DUS2: variants seen among roughly 807,000 people sequenced by gnomAD.
The protein encoded by DUS2 is dihydrouridine synthase 2.
DUS2 carries 52 observed loss-of-function variants against 71.3 expected under a neutral mutation model. The ratio of observed to expected loss-of-function variants is 0.73; its 90% CI spans 0.58 to 0.92. The LOEUF (loss-of-function observed/expected upper bound fraction) is 0.92. DUS2 is among the 40% of genes least tolerant of loss of function. DUS2 has a pLI of 0.00. For synonymous variants in DUS2, 204 were observed against 227.8 expected (o/e 0.90, Z 0.94); for missense variants, 558 against 622.6 (o/e 0.90, Z 1.10).
chr16:68,031,586 C>T (rs1488904145), intron 2 of DUS2, among the ~76,000 whole-genome samples: 2 of 151,946 alleles, frequency 1.3e-5, no homozygotes, highest in Non-Finnish European at 2.9e-5. Context: ...GATTATAATC[C>T]TTTTCTCTCA....
chr16:68,037,981 C>A, intron 2 of DUS2, 25 bp from the exon 3 acceptor site: 1 of 1,598,314 alleles, frequency 6.3e-7, no homozygotes, highest in Non-Finnish European at 8.5e-7. Flanking sequence ...GAATTTCTGA[C>A]TCTTGTTTCC....
In DUS2 at chr16:68,070,130, C is replaced by T; in HGVS notation, c.555-4C>T. ...GCCCTCAGCCCCATCTTTCTATCTC[C>T]AAGGAAGCGGGAGGAGCGACCTCAG... On this transcript the variant is annotated splice_region_variant and splice_polypyrimidine_tract_variant and intron_variant, in intron 10 of 16. Coordinates refer to ENST00000565263, the MANE Select transcript of DUS2 (RefSeq NM_017803.5). The T allele has an allele frequency of 1.9e-6, 3 of 1,614,040 alleles. No homozygotes were observed.
intron 3 of DUS2, among the ~76,000 whole-genome samples, chr16:68,038,876 C>G (rs545577241): frequency 6.6e-6 from 1 of 151,428 alleles, no homozygotes; most frequent in South Asian, 2.1e-4. Flanking sequence ...TAGTGAGACT[C>G]TATCTCTTTT....
At chr16:68,038,573 T>C (rs929600005) in intron 3 of DUS2, among the ~76,000 whole-genome samples, 4 of 148,190 alleles carry the variant, frequency 2.7e-5, no homozygotes, top group African/African-American at 1.0e-4. Flanking sequence ...CTACTAAAAA[T>C]AGAAAAATTA....
intron 2 of DUS2, among the ~76,000 whole-genome samples, chr16:68,029,965 T>C (rs1156831456): frequency 2.0e-5 from 3 of 150,646 alleles, no homozygotes; most frequent in African/African-American, 7.3e-5. Context: ...GGGCTGGTCT[T>C]GAACTCCTGG....
chr16:68,056,954 T>C (rs1325599126), intron 7 of DUS2, among the ~76,000 whole-genome samples: 3 of 142,226 alleles, frequency 2.1e-5, no homozygotes, highest in Non-Finnish European at 4.5e-5. Flanking sequence ...ATATGTAATC[T>C]ATAATTATAT....
intron 1 of DUS2, among the ~76,000 whole-genome samples, chr16:68,024,338 A>G (rs961282738): frequency 6.6e-6 from 1 of 152,036 alleles, no homozygotes; most frequent in Admixed American, 6.6e-5. Flanking sequence ...GCCTCAAGCG[A>G]TCTTCCCACC....
chr16:68,029,206 A>T (rs1197042316), intron 2 of DUS2, among the ~76,000 whole-genome samples: 1 of 144,528 alleles, frequency 6.9e-6, no homozygotes, highest in African/African-American at 2.5e-5. Context: ...TCCCATCTCT[A>T]AAAAAAAAAA....
chr16:68,049,464 A>G, intron 3 of DUS2, 41 bp from the exon 4 acceptor site: 2 of 1,607,544 alleles, frequency 1.2e-6, no homozygotes, highest in Non-Finnish European at 1.7e-6. Context: ...CCCAGAGCCT[A>G]CATGTTCAGG....
Position 68,037,791 on chromosome 16 carries a change from T to C in DUS2, c.-18-215T>C, listed in dbSNP as rs1360556679. On this transcript the variant is annotated intron_variant, in intron 2 of 16. Transcript: ENST00000565263. Reference sequence around the variant, plus strand: ...GGCAGACGCCCATAATCCCAGTTACTTGGGTTGCAGTGAGCCCTGCACTAC... The same window carrying C: ...GGCAGACGCCCATAATCCCAGTTACCTGGGTTGCAGTGAGCCCTGCACTAC... The C allele has an allele frequency of 5.9e-5, 19 of 320,244 alleles. No individual in the cohort carries two copies. The Admixed American group carries it at 8.6e-4, about 14-fold the overall frequency. 19.8% of individuals were successfully genotyped at this position (320,244 alleles called of 1,614,324 possible). A position where few individuals can be genotyped will look rare whatever the true frequency, so the allele number is the denominator to read the frequency against.
intron 2 of DUS2, among the ~76,000 whole-genome samples, chr16:68,026,338 G>A (rs1387454026): frequency 1.3e-5 from 2 of 152,080 alleles, no homozygotes; most frequent in African/African-American, 4.8e-5. Context: ...CTAGGCTTGA[G>A]AATCACAGTT....
intron 1 of DUS2, among the ~76,000 whole-genome samples, chr16:68,024,891 G>A (rs943249307): frequency 1.3e-5 from 2 of 150,772 alleles, no homozygotes; most frequent in Non-Finnish European, 2.9e-5. Context: ...GAGTACAGTG[G>A]TGCGATGTCA....
chr16:68,049,362 G>A, intron 3 of DUS2, 143 bp from the exon 4 acceptor site: 1 of 740,618 alleles, frequency 1.4e-6, no homozygotes, highest in East Asian at 2.6e-5. Flanking sequence ...GGGGAGAATA[G>A]CACTACATGT....
intron 3 of DUS2, among the ~76,000 whole-genome samples, chr16:68,041,181 G>A (rs1187162516): frequency 1.3e-5 from 2 of 152,052 alleles, no homozygotes; most frequent in Non-Finnish European, 2.9e-5. Flanking sequence ...AGCTGAGATT[G>A]TGCCACTGCA....
At chr16:68,060,822 T>C (rs2033928643) in intron 7 of DUS2, among the ~76,000 whole-genome samples, 1 of 151,938 alleles carries the variant, frequency 6.6e-6, no homozygotes, top group Non-Finnish European at 1.5e-5. Context: ...CACTCCAGCC[T>C]GGGTGACAGA....
intron 11 of DUS2, among the ~76,000 whole-genome samples, 196 bp downstream of exon 11, chr16:68,070,416 G>A (rs1173436706): frequency 6.6e-6 from 1 of 152,232 alleles, no homozygotes; most frequent in Non-Finnish European, 1.5e-5. Flanking sequence ...CAGGACTGAG[G>A]CTGCCGACTG....
intron 2 of DUS2, among the ~76,000 whole-genome samples, chr16:68,026,060 G>T (rs750309627): frequency 6.6e-6 from 1 of 152,138 alleles, no homozygotes; most frequent in Non-Finnish European, 1.5e-5. Flanking sequence ...GTGCCATCTC[G>T]ACTCACTGTA....
intron 4 of DUS2, among the ~76,000 whole-genome samples, chr16:68,052,363 A>G (rs1386544764): frequency 6.6e-6 from 1 of 152,238 alleles, no homozygotes; most frequent in African/African-American, 2.4e-5. Context: ...GGGAACATGC[A>G]CATCAGGCAA....
intron 7 of DUS2, among the ~76,000 whole-genome samples, chr16:68,059,721 A>G (rs1005772714): frequency 6.6e-6 from 1 of 152,248 alleles, no homozygotes; most frequent in Non-Finnish European, 1.5e-5. Context: ...ATTAGTATGT[A>G]ATCTTTATAC....
Sources: allele counts gnomAD v4.1 joint callset (sites outside exome capture counted in the v4.1 genomes callset), GRCh38; gene constraint gnomAD v4.1.1; transcripts MANE v1.5; gene names NCBI Gene and HGNC (gene_info 2026-07-23, HGNC 2026-07-21).